Variants in MAP2K2 observed in about 807,000 individuals in gnomAD.
MAP2K2 encodes the protein dual specificity mitogen-activated protein kinase kinase 2.
Under a neutral mutation model 43.7 loss-of-function variants are expected in MAP2K2, and 24 were observed. That is an observed-to-expected ratio of 0.55 (90% CI 0.40 to 0.77). MAP2K2 has a LOEUF of 0.77. MAP2K2 is among the 30% of genes least tolerant of loss of function. The probability of loss-of-function intolerance (pLI) is 0.00; values close to 1 mark genes in which losing one functional copy is unlikely to be tolerated. For missense variants in MAP2K2, 470 were observed against 566.8 expected (o/e 0.83, Z 1.73); for synonymous variants, 244 against 239.7 (o/e 1.02, Z -0.17).
chr19:4,120,009 A>T (rs2041272458), intron 1 of MAP2K2, among the ~76,000 whole-genome samples: 1 of 152,270 alleles, frequency 6.6e-6, no homozygotes, highest in Admixed American at 6.5e-5. Flanking sequence ...GGGCCTGGGC[A>T]CCGCTTCCTG....
intron 1 of MAP2K2, among the ~76,000 whole-genome samples, chr19:4,123,182 T>C (rs1426230698): frequency 7.9e-5 from 12 of 151,052 alleles, no homozygotes; most frequent in Non-Finnish European, 1.5e-5. Context: ...CTCTTAGAGA[T>C]ACCCCTCACC....
rs1348666273 is a variant in MAP2K2 at position 4,090,620 on chromosome 19, G to C, written c.1181C>G (p.Thr394Arg). The change falls in exon 11 of 11, where the codon ACA becomes AGA. Residue 394 changes from threonine (T) to arginine (R), a missense_variant. By Grantham distance (71) the Thr-to-Arg change is moderately conservative. Around this residue, in one of 3 missense-constraint regions of MAP2K2, gnomAD observed 212 missense variants for 220.8 expected, o/e 0.96. Coordinates refer to ENST00000262948, the MANE Select transcript of MAP2K2 (RefSeq NM_030662.4). ...CTGTCACACGGCGGTGCGCGTGGGT[G>C]TGCCGGGCTGGTTCAGCCGCAGGGT... ...CKTLRLNQPG[T>R]PTRTAV is the part of the protein sequence containing the mutation. 6.4e-7 allele frequency: 1 copy of C among 1,552,710 alleles called. No homozygotes were observed. Among genetic ancestry groups the C allele is most frequent in the South Asian group, 1.2e-5 (1 of 84,252 alleles).
At chr19:4,102,526 C>A in intron 3 of MAP2K2, 73 bp from the exon 4 acceptor site, 2 of 1,186,400 alleles carry the variant, frequency 1.7e-6, no homozygotes, top group East Asian at 5.0e-5. Context: ...TCCCCCCACT[C>A]CCGGCGAGGG....
chr19:4,120,177 A>G (rs77406773), intron 1 of MAP2K2, among the ~76,000 whole-genome samples: 261 of 152,328 alleles, frequency 1.7e-3, no homozygotes, highest in African/African-American at 6.1e-3. Flanking sequence ...CCATGAGGGG[A>G]AACAGGGCCC....
intron 10 of MAP2K2, among the ~76,000 whole-genome samples, chr19:4,093,694 C>G (rs1162720070): frequency 6.6e-6 from 1 of 151,926 alleles, no homozygotes; most frequent in Non-Finnish European, 1.5e-5. Flanking sequence ...GTCCGACTCT[C>G]AAGAAAAAAA....
At chr19:4,112,051 C>A (rs568075305) in intron 2 of MAP2K2, among the ~76,000 whole-genome samples, 2 of 152,210 alleles carry the variant, frequency 1.3e-5, no homozygotes, top group Admixed American at 6.5e-5. Flanking sequence ...AGAGCCAGGA[C>A]CCCCAGCATG....
At chr19:4,095,569 A>G in intron 8 of MAP2K2, 120 bp from the exon 9 acceptor site, 1 of 749,858 alleles carries the variant, frequency 1.3e-6, no homozygotes, top group Non-Finnish European at 2.2e-6. Context: ...GGCCGACACC[A>G]CATGCCAACT....
intron 2 of MAP2K2, among the ~76,000 whole-genome samples, chr19:4,112,524 G>A (rs767765088): frequency 5.3e-5 from 8 of 152,296 alleles, no homozygotes; most frequent in Admixed American, 1.3e-4. Context: ...GGGCGTGTGT[G>A]GGGAGTGGCC....
chr19:4,092,250 C>A (rs1475612989), intron 10 of MAP2K2, among the ~76,000 whole-genome samples: 1 of 152,176 alleles, frequency 6.6e-6, no homozygotes, highest in African/African-American at 2.4e-5. Context: ...TAGGACACAT[C>A]TTGGCTAGGT....
intron 1 of MAP2K2, among the ~76,000 whole-genome samples, chr19:4,122,363 T>C (rs191425698): frequency 0.038 from 309 of 8,110 alleles, no homozygotes; most frequent in South Asian, 0.15. Context: ...CTCTCCCCCA[T>C]AGGGACCCTC....
chr19:4,090,462 G>GC lies in MAP2K2; in HGVS notation c.*135dup. 3 of 778,004 alleles carry GC rather than the reference G, an allele frequency of 3.9e-6. No homozygotes were observed. In the South Asian group the frequency reaches 4.5e-5, roughly 12 times the overall value. The allele number at this position is 778,004 out of a possible 1,614,324, so 48.2% of individuals were successfully genotyped here. Reference sequence around the variant, plus strand: ...GACCCCCGTTCCTGCATGCGCTGTCGCCCCGCCACGGTGCTCTCCGCAGGG... The same window carrying GC: ...GACCCCCGTTCCTGCATGCGCTGTCGCCCCCGCCACGGTGCTCTCCGCAGGG... On this transcript the variant is annotated 3_prime_UTR_variant, in exon 11 of 11. Transcript: ENST00000262948.
At chr19:4,112,517 C>T (rs916837732) in intron 2 of MAP2K2, among the ~76,000 whole-genome samples, 2 of 152,290 alleles carry the variant, frequency 1.3e-5, no homozygotes, top group South Asian at 2.1e-4. Context: ...CAGCACAGGG[C>T]GTGTGTGGGG....
chr19:4,098,587 T>C (rs2040954477), intron 7 of MAP2K2, among the ~76,000 whole-genome samples: 1 of 152,180 alleles, frequency 6.6e-6, no homozygotes, highest in Admixed American at 6.5e-5. Flanking sequence ...GCGGTGGAAG[T>C]GTCCGCTCGG....
rs1427916025 is a variant in MAP2K2, at chr19:4,117,517, C to G, written c.205G>C (p.Asp69His). 1.4e-5 allele frequency: 22 copies of G among 1,614,216 alleles called. No homozygotes were observed. Among genetic ancestry groups the G allele is most frequent in the Non-Finnish European group, 1.9e-5 (22 of 1,180,046 alleles). ...TQKAKVGELK[D>H]DDFERISELG... ...TCTGAGATCCTTTCGAAGTCATCGT[C>G]TTTGAGTTCGCCGACCTTGGCTTTC... Residue 69 changes from aspartate to histidine, a missense_variant, in exon 2 of 11, where the codon GAC (aspartate) becomes CAC (histidine). This residue lies in a region of MAP2K2 where 200 missense variants were observed against 297.9 expected (regional missense o/e 0.67). Transcript: ENST00000262948.
In MAP2K2 at chr19:4,101,201, G is replaced by T. The variant is rs2145054856; in HGVS notation, c.580+28C>A. ...CAACAGTTGCCTGCCGGCCCCCGGGGCTCTGGGGAGGGCGGGCTGGGCCTT... is the reference window on the plus strand; with the variant it reads ...CAACAGTTGCCTGCCGGCCCCCGGGTCTCTGGGGAGGGCGGGCTGGGCCTT... On this transcript the variant is annotated intron_variant, in intron 5 of 10. Coordinates refer to ENST00000262948, the MANE Select transcript of MAP2K2 (RefSeq NM_030662.4). The surrounding 1 kb of genome is among the most constrained non-coding windows in gnomAD (Gnocchi z 6.3). The T allele has an allele frequency of 6.3e-7, 1 of 1,594,730 alleles. No homozygotes were observed. The highest frequency in any genetic ancestry group is 8.5e-7 in the Non-Finnish European group (1 of 1,171,368).
chr19:4,110,982 G>A lies in MAP2K2; in HGVS notation c.304-327C>T, dbSNP rs186332102. Among the ~76,000 whole-genome samples the A allele has an allele frequency of 5.1e-4, 78 of 152,278 alleles. No homozygotes were observed. In the South Asian group the frequency reaches 9.3e-3, roughly 18 times the overall value. On this transcript the variant is annotated intron_variant, in intron 2 of 10. Coordinates refer to ENST00000262948, the MANE Select transcript of MAP2K2 (RefSeq NM_030662.4). Reference sequence around the variant, plus strand: ...TAAAGAGGAACCAGGCCAAGACCCCGGCCACAGCGTGGGTGAACCCTGAGG... The same window carrying A: ...TAAAGAGGAACCAGGCCAAGACCCCAGCCACAGCGTGGGTGAACCCTGAGG...
intron 3 of MAP2K2, among the ~76,000 whole-genome samples, chr19:4,108,194 C>T (rs1004154380): frequency 6.6e-6 from 1 of 152,194 alleles, no homozygotes; most frequent in African/African-American, 2.4e-5. Context: ...GCTGCCCTGT[C>T]AGGGCTCACC....
At chr19:4,094,270 C>A (rs545768274) in intron 10 of MAP2K2, among the ~76,000 whole-genome samples, 183 bp downstream of exon 10, 6 of 152,316 alleles carry the variant, frequency 3.9e-5, no homozygotes, top group African/African-American at 1.4e-4. Flanking sequence ...CCCAGGATGG[C>A]TTCTCTCATG....
At position 4,124,106 on chromosome 19, in the gene MAP2K2, C is replaced by G. The variant is rs1016208729; in HGVS notation, c.-231G>C. 7 of 214,982 alleles carry G rather than the reference C, an allele frequency of 3.3e-5. No individual in the cohort carries two copies. The highest frequency in any genetic ancestry group is 1.6e-4 in the African/African-American group (7 of 44,262). The allele number at this position is 214,982 out of a possible 1,614,324, so 13.3% of individuals were successfully genotyped here. On this transcript the variant is annotated 5_prime_UTR_variant, in exon 1 of 11. Transcript: ENST00000262948. ...CGAGGCCCGAAGAAGGCTGACGCCG[C>G]AGCCCGAGTCCGAGAGGCAGGGGGA... is the stretch of plus-strand genomic sequence containing the variant.
Sources: allele counts gnomAD v4.1 joint callset (sites outside exome capture counted in the v4.1 genomes callset), GRCh38; gene constraint gnomAD v4.1.1; regional missense constraint gnomAD v4.1.1; non-coding constraint Gnocchi (gnomAD v3.1); transcripts MANE v1.5; gene names NCBI Gene and HGNC (gene_info 2026-07-23, HGNC 2026-07-21).